Variants in GPR4 observed in about 807,000 individuals in gnomAD.
GPR4 encodes the protein G-prodeshotein coupled receptor 4.
A neutral mutation model predicts 17.8 loss-of-function variants in GPR4; 11 were observed. That is an observed-to-expected ratio of 0.62 (90% CI 0.39 to 1.02). The LOEUF (loss-of-function observed/expected upper bound fraction) is 1.02. GPR4 is among the 50% of genes least tolerant of loss of function. GPR4 has a pLI of 0.00. For missense variants in GPR4, 364 were observed against 495.4 expected, an observed-to-expected ratio of 0.73 and a Z score of 2.52; for synonymous variants, 219 against 222.8, an observed-to-expected ratio of 0.98 and a Z score of 0.15.
chr19:45,599,477 G>T (rs951908966), intron 1 of GPR4, among the ~76,000 whole-genome samples: 2 of 139,732 alleles, frequency 1.4e-5, no homozygotes, highest in Non-Finnish European at 3.1e-5. Flanking sequence ...AGCCAGCTCC[G>T]GTCTGCTCAT....
intron 1 of GPR4, among the ~76,000 whole-genome samples, chr19:45,597,316 A>G (rs1970067685): frequency 6.6e-6 from 1 of 151,476 alleles, no homozygotes; most frequent in South Asian, 2.1e-4. Flanking sequence ...TGATCCACCC[A>G]CCTTGGCCTC....
intron 1 of GPR4, among the ~76,000 whole-genome samples, chr19:45,594,046 T>TAA (rs1177623997): frequency 0.016 from 803 of 50,268 alleles, 40 homozygotes; most frequent in Admixed American, 0.028. Context: ...ATGCCTGGCT[T>TAA]AAAAAAAAAA....
rs180755542 is a variant in GPR4 at position 45,593,729 on chromosome 19, C to T, written c.-831-1032G>A. Among the ~76,000 whole-genome samples the T allele has an allele frequency of 2.4e-4, 36 of 152,036 alleles. 1 individual carries two copies. The highest frequency in any genetic ancestry group is 8.4e-4 in the African/African-American group (35 of 41,486). ...GAGTCACCTCCCTAAGGATGCACAG[C>T]ATGGCAGCAATAGGGCCAGGGCTGG... On this transcript the variant is annotated intron_variant, in intron 1 of 1. Transcript: ENST00000323040.
At position 45,591,773 on chromosome 19, in the gene GPR4, G is replaced by A. The variant is rs1323111631; in HGVS notation, c.94C>T (p.Leu32=). The A allele has an allele frequency of 1.9e-6, 3 of 1,612,960 alleles. No individual in the cohort carries two copies. The African/African-American group carries it at 4.0e-5, about 22-fold the overall frequency. The part of the protein sequence containing the change: ...SLYIFVIGVG[L]PTNCLALWAA... ...CACAGAGCCAGGCAGTTGGTGGGCA[G>A]CCCCACGCCGATGACAAAGATGTAG... The change falls in exon 2 of 2, where the codon CTG becomes TTG. Residue 32 remains leucine, a synonymous_variant. Coordinates refer to ENST00000323040, the MANE Select transcript of GPR4 (RefSeq NM_005282.3). This position sits in a 1 kb window ranked among gnomAD's most constrained non-coding sequence, Gnocchi z 7.6.
At chr19:45,597,160 C>T (rs1358685403) in intron 1 of GPR4, among the ~76,000 whole-genome samples, 1 of 152,250 alleles carries the variant, frequency 6.6e-6, no homozygotes, top group African/African-American at 2.4e-5. Flanking sequence ...CCTCCGCCAC[C>T]TGGGTTCAAG....
chr19:45,597,223 C>G (rs1004037973), intron 1 of GPR4, among the ~76,000 whole-genome samples: 12 of 152,150 alleles, frequency 7.9e-5, no homozygotes, highest in Admixed American at 2.6e-4. Flanking sequence ...TGTGCACCAC[C>G]ATGCCCAGCT....
At chr19:45,597,073 CTT>C (rs56679454) in intron 1 of GPR4, among the ~76,000 whole-genome samples, 9 of 145,692 alleles carry the variant, frequency 6.2e-5, no homozygotes, top group African/African-American at 1.3e-4. Flanking sequence ...CTGGAATGCT[CTT>C]TTTTTTTTTT....
chr19:45,591,757 A>G lies in GPR4; in HGVS notation c.110T>C (p.Leu37Pro). The change falls in exon 2 of 2, where the codon CTG becomes CCG. Residue 37 changes from leucine to proline, a missense_variant. Leu to Pro is a moderately conservative substitution (Grantham distance 98). Coordinates refer to ENST00000323040, the MANE Select transcript of GPR4 (RefSeq NM_005282.3). The surrounding 1 kb of genome is among the most constrained non-coding windows in gnomAD (Gnocchi z 7.6). ...VIGVGLPTNC[L>P]ALWAAYRQVQ... ...CTGGCGGTAGGCCGCCCACAGAGCCAGGCAGTTGGTGGGCAGCCCCACGCC... is the reference window on the plus strand; with the variant it reads ...CTGGCGGTAGGCCGCCCACAGAGCCGGGCAGTTGGTGGGCAGCCCCACGCC... The G allele has an allele frequency of 6.2e-7, 1 of 1,613,832 alleles. No homozygotes were observed. Among genetic ancestry groups the G allele is most frequent in the Non-Finnish European group, 8.5e-7 (1 of 1,179,946 alleles).
rs953796218 is a variant in GPR4, at chr19:45,594,949, C to G, written c.-831-2252G>C. ...AGTGAGCTGAGATAGCATCACTGCA[C>G]TCCAGCCTGGGAGACAAGAGAGGAA... On this transcript the variant is annotated intron_variant, in intron 1 of 1. Transcript: ENST00000323040. Among the ~76,000 whole-genome samples, 3 of 151,302 alleles carry G rather than the reference C, an allele frequency of 2.0e-5. No homozygotes were observed. The South Asian group carries it at 6.3e-4, about 32-fold the overall frequency.
In GPR4 at chr19:45,592,530, C is replaced by T. The variant is rs1568416710; in HGVS notation, c.-664G>A. 5 of 167,080 alleles carry T rather than the reference C, an allele frequency of 3.0e-5. No homozygotes were observed. Among genetic ancestry groups the T allele is most frequent in the Admixed American group, 2.6e-4 (4 of 15,222 alleles). The allele number at this position is 167,080 out of a possible 1,614,324, so 10.3% of individuals were successfully genotyped here. On this transcript the variant is annotated 5_prime_UTR_variant, in exon 2 of 2. Coordinates refer to ENST00000323040, the MANE Select transcript of GPR4 (RefSeq NM_005282.3). ...AAAGATAAAAGGCTCGGTCTGTGGACGGCAGGAAGGAGTCTTAGGAAACAG... is the reference window on the plus strand; with the variant it reads ...AAAGATAAAAGGCTCGGTCTGTGGATGGCAGGAAGGAGTCTTAGGAAACAG...
At position 45,591,405 on chromosome 19, in the gene GPR4, G is replaced by A; in HGVS notation, c.462C>T (p.Phe154=). 6.2e-7 allele frequency: 1 copy of A among 1,610,432 alleles called. No individual in the cohort carries two copies. The highest frequency in any genetic ancestry group is 2.2e-5 in the East Asian group (1 of 44,826). Residue 154 remains phenylalanine, a synonymous_variant, in exon 2 of 2, where the codon TTC becomes TTT. Transcript: ENST00000323040. This position sits in a 1 kb window ranked among gnomAD's most constrained non-coding sequence, Gnocchi z 7.6. ...TELGANSAPL[F]HDELFRDRYN... is the part of the protein sequence containing the mutation. ...AGCGGTCTCGGAAGAGCTCGTCATGGAACAGGGGCGCCGAGTTGGCGCCCA... is the reference window on the plus strand; with the variant it reads ...AGCGGTCTCGGAAGAGCTCGTCATGAAACAGGGGCGCCGAGTTGGCGCCCA...
At position 45,591,994 on chromosome 19, in the gene GPR4, T is replaced by A; in HGVS notation, c.-128A>T. ...CTCAGGGGAACATGGTGGGATGTGGTCTACAGGGAAGAGATGAGGTTGGGT... is the reference window on the plus strand; with the variant it reads ...CTCAGGGGAACATGGTGGGATGTGGACTACAGGGAAGAGATGAGGTTGGGT... On this transcript the variant is annotated 5_prime_UTR_variant, in exon 2 of 2. Transcript: ENST00000323040. The surrounding 1 kb of genome is among the most constrained non-coding windows in gnomAD (Gnocchi z 7.6). 2 of 1,030,690 alleles carry A rather than the reference T, an allele frequency of 1.9e-6. No individual in the cohort carries two copies. The highest frequency in any genetic ancestry group is 3.1e-5 in the Admixed American group (1 of 31,876). The allele number at this position is 1,030,690 out of a possible 1,614,324, so 63.8% of individuals were successfully genotyped here. A position where few individuals can be genotyped will look rare whatever the true frequency, so the allele number is the denominator to read the frequency against.
rs765721836 is a variant in GPR4 at position 45,591,122 on chromosome 19, C to T, written c.745G>A (p.Ala249Thr). The T allele has an allele frequency of 6.2e-7, 1 of 1,613,666 alleles. No homozygotes were observed. The change falls in exon 2 of 2, where the codon GCC (alanine) becomes ACC (threonine). Residue 249 changes from alanine (A) to threonine (T), a missense_variant. This residue lies in a region of GPR4 where 271 missense variants were observed against 373.1 expected (regional missense o/e 0.73). Transcript: ENST00000323040. This position sits in a 1 kb window ranked among gnomAD's most constrained non-coding sequence, Gnocchi z 7.6. ...PYHVLLLSRS[A>T]IYLGRPWDCG... ...TCCCAGGGGCGGCCCAGGTAGATGG[C>T]GCTGCGGGACAGCAAGAGCACGTGA...
At chr19:45,594,696 G>A (rs955677806) in intron 1 of GPR4, among the ~76,000 whole-genome samples, 10 of 152,136 alleles carry the variant, frequency 6.6e-5, no homozygotes, top group Non-Finnish European at 1.3e-4. Flanking sequence ...CAGAATAACT[G>A]GACAGGCCAG....
intron 1 of GPR4, among the ~76,000 whole-genome samples, chr19:45,597,073 CT>C (rs56679454): frequency 0.06 from 8,771 of 145,388 alleles, 573 homozygotes; most frequent in African/African-American, 0.17. Flanking sequence ...CTGGAATGCT[CT>C]TTTTTTTTTT....
chr19:45,592,815 T>C lies in GPR4; in HGVS notation c.-831-118A>G, dbSNP rs535510402. Reference sequence around the variant, plus strand: ...ACTGGACACCCCAACAATGCCTACTTCAGCCCCATCCTAAGCAACCACTCT... The same window carrying C: ...ACTGGACACCCCAACAATGCCTACTCCAGCCCCATCCTAAGCAACCACTCT... On this transcript the variant is annotated intron_variant, in intron 1 of 1. Coordinates refer to ENST00000323040, the MANE Select transcript of GPR4 (RefSeq NM_005282.3). The C allele has an allele frequency of 1.2e-3, 187 of 157,604 alleles. No homozygotes were observed. In the Middle Eastern group the frequency reaches 0.017, roughly 14 times the overall value. 9.8% of individuals were successfully genotyped at this position (157,604 alleles called of 1,614,324 possible).
In GPR4 at chr19:45,590,770, C is replaced by G. The variant is rs1969981171; in HGVS notation, c.*8G>C. 6.4e-7 allele frequency: 1 copy of G among 1,555,362 alleles called. No individual in the cohort carries two copies. The highest frequency in any genetic ancestry group is 8.7e-7 in the Non-Finnish European group (1 of 1,149,578). ...GGGGAAAACTGGGGATTCTGTGCCA[C>G]TCGGGGTTCATTGTGCTGGCGGCAG... On this transcript the variant is annotated 3_prime_UTR_variant, in exon 2 of 2. Transcript: ENST00000323040.
At position 45,591,636 on chromosome 19, in the gene GPR4, G is replaced by GAAGT; in HGVS notation, c.227_230dup (p.Phe77LeufsTer81). The GAAGT allele has an allele frequency of 6.2e-7, 1 of 1,614,142 alleles. No individual in the cohort carries two copies. The highest frequency in any genetic ancestry group is 8.5e-7 in the Non-Finnish European group (1 of 1,180,004). ...CGTGGATCCAGTTGTCGTGGTGCAG[G>GAAGT]AAGTAGTCCACCCACAGCGGCAGCG... On this transcript the variant is annotated frameshift_variant, in exon 2 of 2. Transcript: ENST00000323040. LOFTEE classifies it high-confidence loss of function. This position sits in a 1 kb window ranked among gnomAD's most constrained non-coding sequence, Gnocchi z 7.6.
rs1429850311 is a variant in GPR4, at chr19:45,590,905, A to G, written c.962T>C (p.Leu321Pro). Residue 321 changes from leucine to proline, a missense_variant, in exon 2 of 2, where the codon CTC becomes CCC. Leu to Pro is a moderately conservative substitution (Grantham distance 98). This residue lies in a region of GPR4 where 92 missense variants were observed against 106.0 expected (regional missense o/e 0.87). Coordinates refer to ENST00000323040, the MANE Select transcript of GPR4 (RefSeq NM_005282.3). ...GGAGGTGAGTGGGGTCTCCAGGGTGAGCGAGGCATTGGCCATCTCCTGGGG... is the reference window on the plus strand; with the variant it reads ...GGAGGTGAGTGGGGTCTCCAGGGTGGGCGAGGCATTGGCCATCTCCTGGGG... Reference protein sequence around the residue: ...DKPQEMANASLTLETPLTSKR... With the variant: ...DKPQEMANASPTLETPLTSKR... 6.2e-7 allele frequency: 1 copy of G among 1,614,080 alleles called. No individual in the cohort carries two copies. The highest frequency in any genetic ancestry group is 8.5e-7 in the Non-Finnish European group (1 of 1,180,018).
Sources: gnomAD v4.1 joint callset for allele counts (sites outside exome capture counted in the v4.1 genomes callset) on GRCh38, gnomAD v4.1.1 for gene constraint, gnomAD v4.1.1 regional missense constraint, Gnocchi (gnomAD v3.1) non-coding constraint, MANE v1.5 for transcripts, NCBI Gene and HGNC (gene_info 2026-07-23, HGNC 2026-07-21) for gene names.